Variants in CNTN4 observed in about 807,000 individuals in gnomAD.
The protein encoded by CNTN4 is contactin 4.
Under a neutral mutation model 122.5 loss-of-function variants are expected in CNTN4, and 77 were observed. The observed-to-expected ratio is 0.63, with a 90% CI of 0.52 to 0.76. The LOEUF (loss-of-function observed/expected upper bound fraction) is 0.76, where lower values mean the gene tolerates loss of function less well. Among genes scored for constraint, CNTN4 ranks in the 30% least tolerant of loss-of-function variants. CNTN4 has a pLI of 0.00. For missense variants in CNTN4, 1,256 were observed against 1,259.1 expected (o/e 1.00, Z 0.04); for synonymous variants, 512 against 447.0 (o/e 1.15, Z -1.83).
intron 8 of CNTN4, among the ~76,000 whole-genome samples, chr3:2,871,646 A>C (rs1342965146): frequency 2.6e-5 from 4 of 152,174 alleles, no homozygotes; most frequent in African/African-American, 9.6e-5. Context: ...AGGGAACTGA[A>C]GATCAGAGAA....
intron 13 of CNTN4, among the ~76,000 whole-genome samples, chr3:2,971,783 G>A (rs1487352879): frequency 6.6e-6 from 1 of 152,106 alleles, no homozygotes; most frequent in East Asian, 1.9e-4. Context: ...CTTCAAGAAT[G>A]GCAAGATATT....
chr3:2,848,222 G>C (rs1200102254), intron 7 of CNTN4, among the ~76,000 whole-genome samples: 1 of 152,144 alleles, frequency 6.6e-6, no homozygotes. Context: ...CTGGGCAACA[G>C]AGTGAGACCC....
chr3:2,436,321 T>C (rs889149691), intron 3 of CNTN4, among the ~76,000 whole-genome samples: 9 of 152,044 alleles, frequency 5.9e-5, no homozygotes, highest in African/African-American at 2.2e-4. Context: ...AGTAAAGAGT[T>C]GTAGGCATCT....
At chr3:2,644,678 T>C (rs552973900) in intron 4 of CNTN4, among the ~76,000 whole-genome samples, 2 of 150,216 alleles carry the variant, frequency 1.3e-5, no homozygotes, top group East Asian at 3.9e-4. Flanking sequence ...GGTCTGTCTA[T>C]AGAGGAGTCA....
intron 3 of CNTN4, among the ~76,000 whole-genome samples, chr3:2,466,760 T>A (rs2075511815): frequency 6.6e-6 from 1 of 152,182 alleles, no homozygotes; most frequent in South Asian, 2.1e-4. Flanking sequence ...TACAAAACCC[T>A]CTTAAAAATG....
rs902129692 is a variant in CNTN4, at chr3:2,420,704, T to C, written c.-89+81471T>C. On this transcript the variant is annotated intron_variant, in intron 3 of 24. Transcript: ENST00000418658. The stretch of plus-strand genomic sequence containing the variant: ...GCCTGCCTCTGCCTCCCAAAGTGCA[T>C]TGCAGCTGTGGGCCACCGCGCCTGG... 3.9e-5 allele frequency among the ~76,000 whole-genome samples: 6 copies of C among 152,212 alleles called. No individual in the cohort carries two copies. The East Asian group carries it at 9.7e-4, about 25-fold the overall frequency.
At chr3:2,258,037 T>A (rs2040671962) in intron 2 of CNTN4, among the ~76,000 whole-genome samples, 1 of 152,164 alleles carries the variant, frequency 6.6e-6, no homozygotes, top group Non-Finnish European at 1.5e-5. Flanking sequence ...CACTCCAGCC[T>A]GGGCAATAGA....
intron 4 of CNTN4, among the ~76,000 whole-genome samples, chr3:2,665,597 G>GA (rs1265649172): frequency 6.6e-6 from 1 of 152,126 alleles, no homozygotes; most frequent in African/African-American, 2.4e-5. Context: ...AAACCTGGGT[G>GA]AAAAAATTGG....
chr3:2,643,200 GTC>G (rs1396755909), intron 4 of CNTN4, among the ~76,000 whole-genome samples: 2 of 152,088 alleles, frequency 1.3e-5, no homozygotes, highest in African/African-American at 2.4e-5. Flanking sequence ...TTGAGATGGA[GTC>G]TCTCTCTGTC....
In CNTN4 at chr3:2,906,176, G is replaced by A. The variant is rs564495770; in HGVS notation, c.1207+3171G>A. Among the ~76,000 whole-genome samples, 52 of 152,178 alleles carry A rather than the reference G, an allele frequency of 3.4e-4. No homozygotes were observed. The South Asian group carries it at 3.5e-3, about 10-fold the overall frequency. ...GAGTAGAATGCTGGTTGTCAGGGTC[G>A]GGGGAATCGGCGGGGGAGGGTTGGG... is the stretch of plus-strand genomic sequence containing the variant. On this transcript the variant is annotated intron_variant, in intron 12 of 24. Transcript: ENST00000418658.
intron 2 of CNTN4, among the ~76,000 whole-genome samples, chr3:2,170,878 A>G (rs2036472412): frequency 6.6e-6 from 1 of 152,226 alleles, no homozygotes; most frequent in African/African-American, 2.4e-5. Flanking sequence ...TGTAATATGG[A>G]TTGATAACTC....
intron 4 of CNTN4, among the ~76,000 whole-genome samples, chr3:2,577,910 G>C (rs935084643): frequency 6.6e-6 from 1 of 152,100 alleles, no homozygotes; most frequent in African/African-American, 2.4e-5. Context: ...ACCAACTTCA[G>C]CAATTATCTC....
chr3:2,191,331 T>C (rs2149337642), intron 2 of CNTN4, among the ~76,000 whole-genome samples: 1 of 152,074 alleles, frequency 6.6e-6, no homozygotes. Flanking sequence ...AAATAATCTA[T>C]TTTCACAAGG....
rs751759948 is a variant in CNTN4, at chr3:2,861,295, T to C, written c.455-5457T>C. ...TCCCTTTGCTCAGCACACTGATAAC[T>C]AATTCCAACCCCTGTCTTTGTAACT... On this transcript the variant is annotated intron_variant, in intron 7 of 24. Coordinates refer to ENST00000418658, the MANE Select transcript of CNTN4 (RefSeq NM_175607.3). Among the ~76,000 whole-genome samples the C allele has an allele frequency of 2.0e-5, 3 of 152,284 alleles. No homozygotes were observed. In the South Asian group the frequency reaches 6.2e-4, roughly 32 times the overall value.
chr3:2,249,074 T>C (rs1388937049), intron 2 of CNTN4, among the ~76,000 whole-genome samples: 1 of 151,966 alleles, frequency 6.6e-6, no homozygotes, highest in Non-Finnish European at 1.5e-5. Flanking sequence ...TACTATACAT[T>C]ACATATATTG....
intron 6 of CNTN4, among the ~76,000 whole-genome samples, chr3:2,790,093 A>G (rs1576803246): frequency 6.6e-6 from 1 of 152,342 alleles, no homozygotes; most frequent in East Asian, 1.9e-4. Flanking sequence ...TATTTAGGGG[A>G]AAAATTATTA....
intron 3 of CNTN4, among the ~76,000 whole-genome samples, chr3:2,367,589 A>G (rs1007640228): frequency 6.6e-6 from 1 of 152,106 alleles, no homozygotes; most frequent in East Asian, 1.9e-4. Context: ...CAATGGCACA[A>G]TCTCAGCTCA....
chr3:2,529,527 G>T (rs1026348969), intron 3 of CNTN4, among the ~76,000 whole-genome samples: 5 of 152,072 alleles, frequency 3.3e-5, no homozygotes, highest in African/African-American at 7.2e-5. Flanking sequence ...AGTAGAAAAT[G>T]TATAATATGT....
At chr3:2,674,311 A>G (rs2084709339) in intron 4 of CNTN4, among the ~76,000 whole-genome samples, 1 of 152,020 alleles carries the variant, frequency 6.6e-6, no homozygotes, top group African/African-American at 2.4e-5. Context: ...GCATATATTT[A>G]TGGGGTTCAG....
Sources: gnomAD v4.1 joint callset for allele counts (sites outside exome capture counted in the v4.1 genomes callset) on GRCh38, gnomAD v4.1.1 for gene constraint, MANE v1.5 for transcripts, NCBI Gene and HGNC (gene_info 2026-07-23, HGNC 2026-07-21) for gene names.